Variants in PSG6 observed in about 807,000 individuals in gnomAD.
PSG6 encodes the protein pregnancy specific beta-1-glycoprotein 6.
PSG6 carries 51 observed loss-of-function variants against 43.3 expected under a neutral mutation model. The ratio of observed to expected loss-of-function variants is 1.18; its 90% CI spans 0.94 to 1.49. The LOEUF (loss-of-function observed/expected upper bound fraction) is 1.49, where lower values mean the gene tolerates loss of function less well. Among genes scored for constraint, PSG6 ranks in the 40% most tolerant of loss-of-function variants. The probability of loss-of-function intolerance (pLI) is 0.00; values close to 1 mark genes in which losing one functional copy is unlikely to be tolerated. For missense variants in PSG6, 770 were observed against 522.2 expected (o/e 1.47, Z -4.62); for synonymous variants, 292 against 197.6 (o/e 1.48, Z -4.01).
rs1448072519 is a variant in PSG6, at chr19:42,902,742, G to A, written c.1241-296C>T. On this transcript the variant is annotated intron_variant, in intron 5 of 5. Coordinates refer to ENST00000187910, the MANE Select transcript of PSG6 (RefSeq NM_001031850.4). ...ATGCCTGCCCCACATTCCCTCACAG[G>A]TGTCTTCCCTGATAAATTATCTTGT... Among the ~76,000 whole-genome samples the A allele has an allele frequency of 2.6e-5, 4 of 151,222 alleles. 1 individual carries two copies. Among genetic ancestry groups the A allele is most frequent in the East Asian group, 1.9e-4 (1 of 5,172 alleles).
chr19:42,909,650 A>G (rs1972180684), intron 3 of PSG6: 1 of 151,674 alleles, frequency 6.6e-6, no homozygotes, highest in Admixed American at 6.6e-5. Context: ...AACTTATTCC[A>G]AAATATTTTA....
intron 4 of PSG6, 43 bp from the exon 5 acceptor site, chr19:42,907,219 G>T (rs1972131686): frequency 6.3e-7 from 1 of 1,594,618 alleles, no homozygotes; most frequent in South Asian, 1.1e-5. Context: ...TCATCCAAGG[G>T]AAGGGGATGC....
At chr19:42,910,459 G>T (rs758988622) in intron 3 of PSG6, 121 bp downstream of exon 3, 1 of 1,609,102 alleles carries the variant, frequency 6.2e-7, no homozygotes, top group Admixed American at 1.7e-5. Flanking sequence ...GTCATGGCCA[G>T]CTTTGATGTT....
chr19:42,903,655 C>T, intron 5 of PSG6: 3 of 1,520,248 alleles, frequency 2.0e-6, no homozygotes, highest in South Asian at 1.3e-5. Context: ...TTTGGGAGGT[C>T]ACAGCAGAAG....
intron 2 of PSG6, among the ~76,000 whole-genome samples, chr19:42,914,497 C>A (rs1972285650): frequency 7.0e-6 from 1 of 142,584 alleles, no homozygotes. Context: ...CTTCAAAAAC[C>A]CCAGGGACCA....
At position 42,907,013 on chromosome 19, in the gene PSG6, A is replaced by C; in HGVS notation, c.1149T>G (p.Ile383Met). Residue 383 changes from isoleucine to methionine, a missense_variant, in exon 5 of 6, where the codon ATT (isoleucine) becomes ATG (methionine). Coordinates refer to ENST00000187910, the MANE Select transcript of PSG6 (RefSeq NM_001031850.4). ...CATAGAGCCCGCTATGATTTGTAGT[A>C]ATTTGGGGGATAAAGAGCTTTTGTC... ...LSGQKLFIPQITTNHSGLYAC... is the reference protein window; with the variant it reads ...LSGQKLFIPQMTTNHSGLYAC... The C allele has an allele frequency of 5.6e-6, 9 of 1,612,478 alleles. No individual in the cohort carries two copies. The highest frequency in any genetic ancestry group is 7.6e-6 in the Non-Finnish European group (9 of 1,179,138).
chr19:42,916,168 A>G lies in PSG6; in HGVS notation c.384T>C (p.Asp128=). ...AATATCCAGTTACTCCTCCAGTCCC[A>G]TCGCCTCGCTTTATGATGTGTAAGG... The part of the protein sequence containing the change: ...SYTLHIIKRG[D]GTGGVTGYFT... The change falls in exon 2 of 6, where the codon GAT becomes GAC. Residue 128 remains aspartate (D), a synonymous_variant. Coordinates refer to ENST00000187910, the MANE Select transcript of PSG6 (RefSeq NM_001031850.4). 1.2e-6 allele frequency: 2 copies of G among 1,612,120 alleles called. No individual in the cohort carries two copies. The highest frequency in any genetic ancestry group is 1.7e-6 in the Non-Finnish European group (2 of 1,179,032).
intron 2 of PSG6, among the ~76,000 whole-genome samples, chr19:42,912,407 A>G (rs1972244441): frequency 6.6e-6 from 1 of 151,714 alleles, no homozygotes; most frequent in African/African-American, 2.4e-5. Flanking sequence ...TTCTCTTGAG[A>G]CCAAAATAAG....
At position 42,907,745 on chromosome 19, in the gene PSG6, C is replaced by A; in HGVS notation, c.816G>T (p.Trp272Cys). ...CCGGGAGGCTCTGACCATTTAGCCA[C>A]CAAATGTAGGTGTAGTTCCGACTCT... ...EPKSRNYTYI[W>C]WLNGQSLPVS... The change falls in exon 4 of 6, where the codon TGG becomes TGT. Residue 272 changes from tryptophan to cysteine, a missense_variant. Coordinates refer to ENST00000187910, the MANE Select transcript of PSG6 (RefSeq NM_001031850.4). 5 of 1,610,832 alleles carry A rather than the reference C, an allele frequency of 3.1e-6. No individual in the cohort carries two copies. Among genetic ancestry groups the A allele is most frequent in the Non-Finnish European group, 3.4e-6 (4 of 1,179,104 alleles).
intron 5 of PSG6, chr19:42,903,585 A>T (rs934364312): frequency 7.1e-7 from 1 of 1,404,760 alleles, no homozygotes; most frequent in South Asian, 1.6e-5. Flanking sequence ...AGATAAAATT[A>T]CTCAAATCAT....
At chr19:42,916,646 G>GTGTGTGTA (rs1437772993) in intron 1 of PSG6, among the ~76,000 whole-genome samples, 159 bp from the exon 2 acceptor site, 1 of 150,904 alleles carries the variant, frequency 6.6e-6, no homozygotes, top group Non-Finnish European at 1.5e-5. Flanking sequence ...GTGTGTTTGT[G>GTGTGTGTA]TGTGTGTATG....
At chr19:42,906,637 C>T in intron 5 of PSG6, 1 of 1,384,548 alleles carries the variant, frequency 7.2e-7, no homozygotes, top group Middle Eastern at 2.6e-4. Flanking sequence ...GAGGACTCTC[C>T]TTCTTGTCCC....
chr19:42,906,876 G>C (rs1972121249), intron 5 of PSG6, 46 bp downstream of exon 5: 1 of 1,611,622 alleles, frequency 6.2e-7, no homozygotes, highest in Non-Finnish European at 8.5e-7. Context: ...AAGCCAGATA[G>C]ACTCCACCTA....
Position 42,916,273 on chromosome 19 carries a change from G to C in PSG6, c.279C>G (p.Ala93=), listed in dbSNP as rs144161671. The change falls in exon 2 of 6, where the codon GCC becomes GCG. Residue 93 remains alanine (A), a synonymous_variant. Transcript: ENST00000187910. ...VVHGQIIYGP[A]YSGRETVYSN... Reference sequence around the variant, plus strand: ...AATATACTGTTTCTCGTCCACTGTAGGCAGGCCCATATATAATTTGACCGT... The same window carrying C: ...AATATACTGTTTCTCGTCCACTGTACGCAGGCCCATATATAATTTGACCGT... The C allele has an allele frequency of 1.9e-6, 3 of 1,612,116 alleles. No individual in the cohort carries two copies. The highest frequency in any genetic ancestry group is 2.5e-6 in the Non-Finnish European group (3 of 1,179,088).
At position 42,905,584 on chromosome 19, in the gene PSG6, T is replaced by C. The variant is rs115826362; in HGVS notation, c.1240+1338A>G. On this transcript the variant is annotated intron_variant, in intron 5 of 5. Coordinates refer to ENST00000187910, the MANE Select transcript of PSG6 (RefSeq NM_001031850.4). ...ATTCCCCTTCTGGACATACTCCCTATAGAATTGAAAGAAATTTGAAGAAAT... is the reference window on the plus strand; with the variant it reads ...ATTCCCCTTCTGGACATACTCCCTACAGAATTGAAAGAAATTTGAAGAAAT... Among the ~76,000 whole-genome samples, 1,316 of 151,708 alleles carry C rather than the reference T, an allele frequency of 8.7e-3. 45 individuals carry two copies. Among genetic ancestry groups the C allele is most frequent in the African/African-American group, 0.031 (1,270 of 41,364 alleles).
At chr19:42,913,290 A>G (rs1279490181) in intron 2 of PSG6, among the ~76,000 whole-genome samples, 1 of 151,464 alleles carries the variant, frequency 6.6e-6, no homozygotes, top group East Asian at 1.9e-4. Context: ...AGCTGGGACT[A>G]CAGGTGACCA....
chr19:42,912,541 G>T (rs933277377), intron 2 of PSG6, among the ~76,000 whole-genome samples: 1 of 151,760 alleles, frequency 6.6e-6, no homozygotes, highest in Non-Finnish European at 1.5e-5. Context: ...ACTGGTTAGT[G>T]TGTCAATTAC....
intron 3 of PSG6, among the ~76,000 whole-genome samples, chr19:42,908,351 GA>G (rs1972158232): frequency 6.6e-6 from 1 of 151,758 alleles, no homozygotes; most frequent in African/African-American, 2.4e-5. Context: ...CCTGGCCTGG[GA>G]CTGGATGTTT....
intron 3 of PSG6, 92 bp from the exon 4 acceptor site, chr19:42,907,946 C>T (rs1166865881): frequency 1.3e-6 from 2 of 1,523,738 alleles, no homozygotes. Flanking sequence ...ACCTGTCAAC[C>T]CACATGAGTC....
Sources: gnomAD v4.1 joint callset for allele counts (sites outside exome capture counted in the v4.1 genomes callset) on GRCh38, gnomAD v4.1.1 for gene constraint, MANE v1.5 for transcripts, NCBI Gene and HGNC (gene_info 2026-07-23, HGNC 2026-07-21) for gene names.